The following GSK3B variants were observed in gnomAD, a reference collection of about 807,000 sequenced individuals.
The protein encoded by GSK3B is glycogen synthase kinase-3 beta.
In GSK3B, 15 loss-of-function variants were observed where a neutral mutation model predicts 56.4. The observed-to-expected ratio is 0.27, with a 90% CI of 0.18 to 0.41. GSK3B has a LOEUF of 0.41. Among genes scored for constraint, GSK3B ranks in the 10% least tolerant of loss-of-function variants. The pLI, the probability that GSK3B is intolerant of heterozygous loss-of-function variation, is 1.00. For synonymous variants in GSK3B, 181 were observed against 188.9 expected, an observed-to-expected ratio of 0.96 and a Z score of 0.34; for missense variants, 300 against 513.4, an observed-to-expected ratio of 0.58 and a Z score of 4.02.
At chr3:119,948,995 C>T (rs1349714764) in intron 2 of GSK3B, among the ~76,000 whole-genome samples, 4 of 152,238 alleles carry the variant, frequency 2.6e-5, no homozygotes, top group Non-Finnish European at 4.4e-5. Context: ...AGCCACAGCG[C>T]CCAGCCTCTA....
Position 119,916,028 on chromosome 3 carries a change from A to C in GSK3B, c.608+16T>G, listed in dbSNP as rs775193238. On this transcript the variant is annotated intron_variant, in intron 5 of 10. Coordinates refer to ENST00000264235, the MANE Select transcript of GSK3B (RefSeq NM_001146156.2). ...AGGGGAAAAGGGAAGGGGCAGGGAG[A>C]GGGACAGTAGCTTACCTTCCAAAGT... is the stretch of plus-strand genomic sequence containing the variant. 1 of 1,597,390 alleles carries C rather than the reference A, an allele frequency of 6.3e-7. No homozygotes were observed. The highest frequency in any genetic ancestry group is 1.1e-5 in the South Asian group (1 of 90,322).
intron 2 of GSK3B, among the ~76,000 whole-genome samples, chr3:119,954,409 T>G (rs1192922908): frequency 8.8e-6 from 1 of 113,198 alleles, no homozygotes; most frequent in Non-Finnish European, 1.7e-5. Flanking sequence ...TAAGGGTTTT[T>G]TTCATGAAAC....
intron 9 of GSK3B, among the ~76,000 whole-genome samples, chr3:119,851,403 T>TA: frequency 6.6e-6 from 1 of 152,196 alleles, no homozygotes; most frequent in Non-Finnish European, 1.5e-5. Flanking sequence ...TTCTTCCAAG[T>TA]ACAAGATCCC....
At chr3:119,863,743 G>T in intron 8 of GSK3B, 138 bp from the exon 9 acceptor site, 1 of 593,740 alleles carries the variant, frequency 1.7e-6, no homozygotes, top group Non-Finnish European at 3.0e-6. Context: ...AGAATGGAAA[G>T]AGTTAAATGC....
intron 1 of GSK3B, among the ~76,000 whole-genome samples, chr3:120,092,196 T>C (rs1325943119): frequency 6.6e-6 from 1 of 152,174 alleles, no homozygotes; most frequent in Non-Finnish European, 1.5e-5. Context: ...AGAGATACAC[T>C]GGAACATTAG....
chr3:119,984,614 G>C (rs2057496932), intron 2 of GSK3B, among the ~76,000 whole-genome samples: 1 of 152,146 alleles, frequency 6.6e-6, no homozygotes, highest in Non-Finnish European at 1.5e-5. Context: ...AGAAAATCAA[G>C]AAGAAACAGA....
At chr3:119,990,531 C>G (rs2057554764) in intron 2 of GSK3B, among the ~76,000 whole-genome samples, 1 of 152,220 alleles carries the variant, frequency 6.6e-6, no homozygotes, top group Non-Finnish European at 1.5e-5. Flanking sequence ...AAATCTTCCT[C>G]TGGCACTGTC....
In GSK3B at chr3:120,002,259, T is replaced by G; in HGVS notation, c.89-20A>C. 1.4e-6 allele frequency: 2 copies of G among 1,477,790 alleles called. No homozygotes were observed. Among genetic ancestry groups the G allele is most frequent in the Non-Finnish European group, 1.8e-6 (2 of 1,109,460 alleles). The allele number at this position is 1,477,790 out of a possible 1,614,324, so 91.5% of individuals were successfully genotyped here. A position where few individuals can be genotyped will look rare whatever the true frequency, so the allele number is the denominator to read the frequency against. ...TGTCTCCTAAAGGAAGAAAGGAAATTTTTTTTTCACGAGAACTGTAAGGAA... is the reference window on the plus strand; with the variant it reads ...TGTCTCCTAAAGGAAGAAAGGAAATGTTTTTTTCACGAGAACTGTAAGGAA... On this transcript the variant is annotated intron_variant, in intron 1 of 10. Transcript: ENST00000264235.
rs1272925451 is a variant in GSK3B, at chr3:120,009,047, A to C, written c.89-6808T>G. Among the ~76,000 whole-genome samples the C allele has an allele frequency of 3.3e-5, 5 of 152,248 alleles. No homozygotes were observed. In the East Asian group the frequency reaches 7.7e-4, roughly 23 times the overall value. ...AGGATATGAACAGACACGTCTCAAA[A>C]GAAGACATTTATGCAGCCAACAGAC... On this transcript the variant is annotated intron_variant, in intron 1 of 10. Transcript: ENST00000264235.
At chr3:119,942,809 A>G (rs577425752) in intron 3 of GSK3B, among the ~76,000 whole-genome samples, 1 of 152,318 alleles carries the variant, frequency 6.6e-6, no homozygotes, top group South Asian at 2.1e-4. Flanking sequence ...GATACTTGCA[A>G]CTCACAAAAC....
At chr3:120,013,852 T>TAA (rs202235479) in intron 1 of GSK3B, among the ~76,000 whole-genome samples, 5 of 140,358 alleles carry the variant, frequency 3.6e-5, no homozygotes, top group Admixed American at 1.4e-4. Flanking sequence ...AAACCACGTT[T>TAA]AAAAAAAAAA....
At chr3:119,884,693 G>C (rs910241499) in intron 7 of GSK3B, among the ~76,000 whole-genome samples, 1 of 151,916 alleles carries the variant, frequency 6.6e-6, no homozygotes, top group Non-Finnish European at 1.5e-5. Context: ...AAACTACAGT[G>C]ATTATACCAT....
chr3:120,070,274 T>A (rs1191610410), intron 1 of GSK3B, among the ~76,000 whole-genome samples: 3 of 149,986 alleles, frequency 2.0e-5, no homozygotes, highest in Non-Finnish European at 4.4e-5. Context: ...TATAACAGTT[T>A]AAATAAAAAA....
At chr3:119,894,964 T>A (rs2056546053) in intron 7 of GSK3B, among the ~76,000 whole-genome samples, 1 of 152,168 alleles carries the variant, frequency 6.6e-6, no homozygotes, top group African/African-American at 2.4e-5. Flanking sequence ...TAAACAGTGA[T>A]ATTATGGGTA....
chr3:119,854,885 GACTTT>G (rs2055994339), intron 9 of GSK3B, among the ~76,000 whole-genome samples: 1 of 152,046 alleles, frequency 6.6e-6, no homozygotes, highest in Non-Finnish European at 1.5e-5. Flanking sequence ...TGGATTCACT[GACTTT>G]TTGAAGGGTT....
rs999336401 is a variant in GSK3B at position 119,900,010 on chromosome 3, A to C, written c.813+5745T>G. Among the ~76,000 whole-genome samples, 7 of 152,268 alleles carry C rather than the reference A, an allele frequency of 4.6e-5. No individual in the cohort carries two copies. In the East Asian group the frequency reaches 1.2e-3, roughly 25 times the overall value. On this transcript the variant is annotated intron_variant, in intron 7 of 10. Coordinates refer to ENST00000264235, the MANE Select transcript of GSK3B (RefSeq NM_001146156.2). ...TCAGTTACAGATAACTGAAATTACT[A>C]GCTCTTCCCTGTGTAAAAGCTATCT...
At chr3:119,915,205 A>G (rs1402379281) in intron 5 of GSK3B, among the ~76,000 whole-genome samples, 1 of 152,120 alleles carries the variant, frequency 6.6e-6, no homozygotes, top group Admixed American at 6.6e-5. Context: ...GTTTGATGAA[A>G]TTTGCAGGAA....
intron 10 of GSK3B, among the ~76,000 whole-genome samples, chr3:119,841,907 C>T (rs2055776967): frequency 1.3e-5 from 2 of 152,250 alleles, no homozygotes; most frequent in Non-Finnish European, 2.9e-5. Context: ...AGAAACAACA[C>T]CATCAAACAA....
chr3:119,902,062 C>T (rs1461413193), intron 7 of GSK3B, among the ~76,000 whole-genome samples: 1 of 152,068 alleles, frequency 6.6e-6, no homozygotes, highest in Non-Finnish European at 1.5e-5. Context: ...TGACTATTAC[C>T]TTAAAAAACG....
Sources: allele counts gnomAD v4.1 joint callset (sites outside exome capture counted in the v4.1 genomes callset), GRCh38; gene constraint gnomAD v4.1.1; transcripts MANE v1.5; gene names NCBI Gene and HGNC (gene_info 2026-07-23, HGNC 2026-07-21).